The following FGGY variants were observed in gnomAD, a reference collection of about 807,000 sequenced individuals.
FGGY encodes FGGY carbohydrate kinase domain-containing protein.
A neutral mutation model predicts 71.3 loss-of-function variants in FGGY; 72 were observed. That is an observed-to-expected ratio of 1.01 (90% CI 0.84 to 1.23). The LOEUF is 1.23. FGGY is among the 50% of genes most tolerant of loss of function. The pLI is 0.00. For synonymous variants in FGGY, 251 were observed against 250.3 expected (o/e 1.00, Z -0.02); for missense variants, 668 against 682.3 (o/e 0.98, Z 0.23).
chr1:59,576,862 A>G (rs964087719), intron 8 of FGGY, among the ~76,000 whole-genome samples: 3 of 152,160 alleles, frequency 2.0e-5, no homozygotes, highest in Admixed American at 1.3e-4. Flanking sequence ...TCTCTATGGC[A>G]GGAACTATTC....
intron 14 of FGGY, among the ~76,000 whole-genome samples, chr1:59,737,534 T>C (rs2098116136): frequency 6.6e-6 from 1 of 152,116 alleles, no homozygotes; most frequent in Admixed American, 6.5e-5. Flanking sequence ...TCAAAGGAGA[T>C]CATTTTGTAG....
At chr1:59,433,405 A>G (rs966770449) in intron 5 of FGGY, among the ~76,000 whole-genome samples, 3 of 152,136 alleles carry the variant, frequency 2.0e-5, no homozygotes, top group Non-Finnish European at 4.4e-5. Context: ...AGGCTGCTGG[A>G]TCTCTCAAAG....
intron 11 of FGGY, among the ~76,000 whole-genome samples, chr1:59,645,368 G>T (rs2097083270): frequency 6.6e-6 from 1 of 152,160 alleles, no homozygotes; most frequent in Admixed American, 6.5e-5. Flanking sequence ...GTAGGATCCT[G>T]TGTGGCTTTT....
At position 59,306,972 on chromosome 1, in the gene FGGY, C is replaced by T. The variant is rs2043531427; in HGVS notation, c.-15+9822C>T. Among the ~76,000 whole-genome samples, 4 of 152,194 alleles carry T rather than the reference C, an allele frequency of 2.6e-5. No individual in the cohort carries two copies. The South Asian group carries it at 8.3e-4, about 32-fold the overall frequency. On this transcript the variant is annotated intron_variant, in intron 1 of 15. Transcript: ENST00000303721. ...GAGAGATTAAGAAAGGACTCGGTTGCTGACTGGATATTGCAAGATGAAAAT... is the reference window on the plus strand; with the variant it reads ...GAGAGATTAAGAAAGGACTCGGTTGTTGACTGGATATTGCAAGATGAAAAT...
At chr1:59,653,172 C>T (rs2097182426) in intron 11 of FGGY, among the ~76,000 whole-genome samples, 1 of 152,186 alleles carries the variant, frequency 6.6e-6, no homozygotes, top group Non-Finnish European at 1.5e-5. Flanking sequence ...CAGACAGGGA[C>T]ATTTAAGTCT....
chr1:59,577,049 T>C (rs915286965), intron 8 of FGGY, among the ~76,000 whole-genome samples: 1 of 152,200 alleles, frequency 6.6e-6, no homozygotes, highest in Non-Finnish European at 1.5e-5. Flanking sequence ...TAGCAAATTC[T>C]TTTTAAGCAT....
chr1:59,497,603 C>CA (rs573863880), intron 6 of FGGY, among the ~76,000 whole-genome samples: 31 of 151,822 alleles, frequency 2.0e-4, no homozygotes, highest in African/African-American at 4.3e-4. Context: ...AACAAAGAAA[C>CA]AAAAAAAACC....
chr1:59,630,701 C>T (rs747617322), intron 10 of FGGY, among the ~76,000 whole-genome samples: 1 of 152,128 alleles, frequency 6.6e-6, no homozygotes, highest in Non-Finnish European at 1.5e-5. Context: ...GCTTCTGTTG[C>T]AAATCATAAT....
At position 59,339,982 on chromosome 1, in the gene FGGY, A is replaced by G. The variant is rs778447469; in HGVS notation, c.226A>G (p.Asn76Asp). ...GAAAGTTGTACAAGGGATTGATTTAAACCAAATTCGAGGACTTGGGTTTGA... is the reference window on the plus strand; with the variant it reads ...GAAAGTTGTACAAGGGATTGATTTAGACCAAATTCGAGGACTTGGGTTTGA... ...TKKVVQGIDL[N>D]QIRGLGFDAT... is the part of the protein sequence containing the mutation. The change falls in exon 3 of 16, where the codon AAC (asparagine) becomes GAC (aspartate). Residue 76 changes from asparagine (N) to aspartate (D), a missense_variant. Physicochemically the swap from Asn to Asp is conservative, Grantham distance 23. Transcript: ENST00000303721. 5 of 1,612,964 alleles carry G rather than the reference A, an allele frequency of 3.1e-6. No homozygotes were observed. Among genetic ancestry groups the G allele is most frequent in the Non-Finnish European group, 4.2e-6 (5 of 1,179,446 alleles).
intron 8 of FGGY, among the ~76,000 whole-genome samples, chr1:59,587,351 C>T (rs1249197921): frequency 1.3e-5 from 2 of 152,070 alleles, no homozygotes; most frequent in African/African-American, 4.8e-5. Flanking sequence ...TCTGTAGGCT[C>T]CACCTCTGGG....
At chr1:59,559,379 T>C (rs964220631) in intron 8 of FGGY, among the ~76,000 whole-genome samples, 1 of 152,224 alleles carries the variant, frequency 6.6e-6, no homozygotes, top group African/African-American at 2.4e-5. Flanking sequence ...CTCCAGCCAG[T>C]CCCACTGTTT....
intron 2 of FGGY, among the ~76,000 whole-genome samples, chr1:59,331,008 G>A (rs1476292302): frequency 6.6e-6 from 1 of 151,976 alleles, no homozygotes; most frequent in African/African-American, 2.4e-5. Context: ...GGAAGACTGG[G>A]ACCACGTCTC....
chr1:59,728,452 G>A (rs2097977362), intron 14 of FGGY, among the ~76,000 whole-genome samples: 1 of 151,934 alleles, frequency 6.6e-6, no homozygotes, highest in Non-Finnish European at 1.5e-5. Context: ...GTAAAAAGAT[G>A]AAATATTATC....
At chr1:59,338,493 T>C (rs1287544280) in intron 2 of FGGY, among the ~76,000 whole-genome samples, 1 of 152,172 alleles carries the variant, frequency 6.6e-6, no homozygotes, top group African/African-American at 2.4e-5. Flanking sequence ...GGGAATGTTT[T>C]AAGCACAAAT....
At chr1:59,731,642 G>A (rs561483422) in intron 14 of FGGY, among the ~76,000 whole-genome samples, 22 of 151,868 alleles carry the variant, frequency 1.4e-4, no homozygotes, top group Admixed American at 8.5e-4. Context: ...AGATGGGGGT[G>A]GGGGGCATTC....
chr1:59,396,493 G>C (rs760148221), intron 5 of FGGY, among the ~76,000 whole-genome samples: 3 of 152,072 alleles, frequency 2.0e-5, no homozygotes, highest in Non-Finnish European at 4.4e-5. Context: ...TCCCCTAACT[G>C]GTGAGTGAAG....
chr1:59,642,237 A>G (rs2097037752), intron 11 of FGGY, among the ~76,000 whole-genome samples: 1 of 152,234 alleles, frequency 6.6e-6, no homozygotes, highest in Non-Finnish European at 1.5e-5. Flanking sequence ...CCTCAGTCCA[A>G]CAAAGCTACA....
At chr1:59,503,649 C>T (rs1477457530) in intron 6 of FGGY, among the ~76,000 whole-genome samples, 1 of 140,366 alleles carries the variant, frequency 7.1e-6, no homozygotes, top group African/African-American at 2.7e-5. Flanking sequence ...AATATATATA[C>T]ATGATATAGA....
At chr1:59,334,715 T>C (rs2049133946) in intron 2 of FGGY, among the ~76,000 whole-genome samples, 1 of 152,154 alleles carries the variant, frequency 6.6e-6, no homozygotes, top group African/African-American at 2.4e-5. Context: ...AAAATAATTA[T>C]ATATTTTAAG....
Sources: allele counts gnomAD v4.1 joint callset (sites outside exome capture counted in the v4.1 genomes callset), GRCh38; gene constraint gnomAD v4.1.1; transcripts MANE v1.5; gene names NCBI Gene and HGNC (gene_info 2026-07-23, HGNC 2026-07-21).